FNDC3B: variants seen among roughly 807,000 people sequenced by gnomAD.
FNDC3B encodes the protein fibronectin type III domain-containing protein 3B.
FNDC3B carries 12 observed loss-of-function variants against 151.5 expected under a neutral mutation model. That is an observed-to-expected ratio of 0.08 (90% confidence interval 0.05 to 0.13). The LOEUF is 0.13. FNDC3B is among the 10% of genes least tolerant of loss of function. The probability of loss-of-function intolerance (pLI) is 1.00; values close to 1 mark genes in which losing one functional copy is unlikely to be tolerated. For missense variants in FNDC3B, 1,214 were observed against 1,505.3 expected (o/e 0.81, Z 3.20); for synonymous variants, 528 against 549.0 (o/e 0.96, Z 0.54).
chr3:172,082,993 A>G (rs1718360519), intron 1 of FNDC3B, among the ~76,000 whole-genome samples: 1 of 152,222 alleles, frequency 6.6e-6, no homozygotes, highest in Admixed American at 6.5e-5. Flanking sequence ...TTAGTGATAA[A>G]GTACAAAGGA....
At position 172,329,066 on chromosome 3, in the gene FNDC3B, A is replaced by G. The variant is rs1208849040; in HGVS notation, c.1369A>G (p.Ile457Val). Residue 457 changes from isoleucine to valine, a missense_variant, in exon 12 of 26, where the codon ATT (isoleucine) becomes GTT (valine). Coordinates refer to ENST00000415807, the MANE Select transcript of FNDC3B (RefSeq NM_022763.4). ...YTFRLAARNDIGTSGYSQEVV... is the reference protein window; with the variant it reads ...YTFRLAARNDVGTSGYSQEVV... ...ATTCAGGCTGGCCGCTCGAAACGAC[A>G]TTGGTACCAGGTATGACGTTTCCTT... 8 of 1,613,250 alleles carry G rather than the reference A, an allele frequency of 5.0e-6. No homozygotes were observed. The Admixed American group carries it at 1.3e-4, about 27-fold the overall frequency.
Position 172,352,359 on chromosome 3 carries a change from C to T in FNDC3B, c.2515-444C>T, listed in dbSNP as rs555828512. Reference sequence around the variant, plus strand: ...TTCCTATTGCTATTCCAGGACAGCTCTAGACTTAAAAGTCAGATGAACCGG... The same window carrying T: ...TTCCTATTGCTATTCCAGGACAGCTTTAGACTTAAAAGTCAGATGAACCGG... On this transcript the variant is annotated intron_variant, in intron 21 of 25. Transcript: ENST00000415807. This position sits in a 1 kb window ranked among gnomAD's most constrained non-coding sequence, Gnocchi z 4.2. 3.7e-4 allele frequency among the ~76,000 whole-genome samples: 57 copies of T among 152,166 alleles called. No homozygotes were observed. In the South Asian group the frequency reaches 0.012, roughly 32 times the overall value.
At chr3:172,319,076 G>A (rs922559291) in intron 11 of FNDC3B, among the ~76,000 whole-genome samples, 3 of 152,188 alleles carry the variant, frequency 2.0e-5, no homozygotes, top group African/African-American at 7.2e-5. Flanking sequence ...TACATGATGA[G>A]GTTGTGTGTT....
chr3:172,311,883 GA>G (rs56937613), intron 11 of FNDC3B, among the ~76,000 whole-genome samples: 1,403 of 112,846 alleles, frequency 0.012, 5 homozygotes, highest in Middle Eastern at 0.017. Flanking sequence ...GTCTCAAAAA[GA>G]AAAAAAAAAA....
At chr3:172,095,449 C>T (rs1163981487) in intron 1 of FNDC3B, among the ~76,000 whole-genome samples, 1 of 152,220 alleles carries the variant, frequency 6.6e-6, no homozygotes, top group Non-Finnish European at 1.5e-5. Context: ...ACAGCTCACA[C>T]CTTTTTCTGA....
chr3:172,251,226 CTG>C, intron 5 of FNDC3B, 32 bp from the exon 6 acceptor site: 1 of 1,510,832 alleles, frequency 6.6e-7, no homozygotes, highest in Non-Finnish European at 9.1e-7. Flanking sequence ...AAAATGTAAA[CTG>C]AGTTTGGGTT....
intron 3 of FNDC3B, among the ~76,000 whole-genome samples, chr3:172,140,874 A>G (rs1166690969): frequency 6.6e-6 from 1 of 152,234 alleles, no homozygotes; most frequent in Non-Finnish European, 1.5e-5. Context: ...ATATTTACAT[A>G]AGAACGGAAT....
chr3:172,388,975 T>C (rs1221972404), intron 25 of FNDC3B, among the ~76,000 whole-genome samples: 1 of 152,188 alleles, frequency 6.6e-6, no homozygotes, highest in East Asian at 1.9e-4. Context: ...CACATGAGAC[T>C]ATTATTTTCA....
At chr3:172,293,974 C>T (rs1205996500) in intron 7 of FNDC3B, among the ~76,000 whole-genome samples, 1 of 152,200 alleles carries the variant, frequency 6.6e-6, no homozygotes, top group Non-Finnish European at 1.5e-5. Context: ...GCTATAAAGT[C>T]TTTGTGAACA....
At position 172,177,626 on chromosome 3, in the gene FNDC3B, C is replaced by CTTTTTTTTTTTTTTTTTTTTTTTT. The variant is rs10684671; in HGVS notation, c.187+44101_187+44102insTTTTTTTTTTTTTTTTTTTTTTTT. 7.4e-4 allele frequency among the ~76,000 whole-genome samples: 63 copies of CTTTTTTTTTTTTTTTTTTTTTTTT among 84,832 alleles called. 7 individuals are homozygous for CTTTTTTTTTTTTTTTTTTTTTTTT. Among genetic ancestry groups the CTTTTTTTTTTTTTTTTTTTTTTTT allele is most frequent in the African/African-American group, 2.4e-3 (50 of 20,520 alleles). 55.7% of individuals were successfully genotyped at this position (84,832 alleles called of 152,430 possible). Reference sequence around the variant, plus strand: ...AGGAAGGAATCATTTTTACCACCATCTTTTTTTTTTTTTTTTTTTTTGCAC... The same window carrying CTTTTTTTTTTTTTTTTTTTTTTTT: ...AGGAAGGAATCATTTTTACCACCATCTTTTTTTTTTTTTTTTTTTTTTTTTTTTTTTTTTTTTTTTTTTTTGCAC... On this transcript the variant is annotated intron_variant, in intron 3 of 25. Transcript: ENST00000415807.
chr3:172,082,909 T>C (rs988858034), intron 1 of FNDC3B, among the ~76,000 whole-genome samples: 7 of 152,338 alleles, frequency 4.6e-5, no homozygotes, highest in Middle Eastern at 3.4e-3. Context: ...CTAGATTCCA[T>C]TGAAGTTTAT....
At chr3:172,171,830 A>G (rs1330347554) in intron 3 of FNDC3B, among the ~76,000 whole-genome samples, 1 of 152,108 alleles carries the variant, frequency 6.6e-6, no homozygotes. Flanking sequence ...TTCCCCTATA[A>G]ACAGCAGATG....
At chr3:172,150,603 A>G (rs1055806486) in intron 3 of FNDC3B, among the ~76,000 whole-genome samples, 2 of 151,908 alleles carry the variant, frequency 1.3e-5, no homozygotes, top group Non-Finnish European at 2.9e-5. Flanking sequence ...TAAATGCATC[A>G]TTCTTTTTTT....
intron 1 of FNDC3B, among the ~76,000 whole-genome samples, chr3:172,073,440 G>A (rs1288994073): frequency 1.3e-5 from 2 of 152,208 alleles, no homozygotes; most frequent in African/African-American, 4.8e-5. Flanking sequence ...GTTCCTGGCT[G>A]CAGTACCAGC....
intron 23 of FNDC3B, among the ~76,000 whole-genome samples, chr3:172,366,521 C>G (rs1734628804): frequency 6.6e-6 from 1 of 152,036 alleles, no homozygotes; most frequent in African/African-American, 2.4e-5. Flanking sequence ...TTGATTTCAA[C>G]TTACAATTAT....
intron 3 of FNDC3B, among the ~76,000 whole-genome samples, chr3:172,196,796 C>T (rs1323889679): frequency 1.3e-5 from 2 of 152,168 alleles, no homozygotes; most frequent in African/African-American, 4.8e-5. Flanking sequence ...CCAAAGAAGA[C>T]AGCCGGAGCT....
chr3:172,364,394 A>T (rs781238981), intron 23 of FNDC3B, among the ~76,000 whole-genome samples: 15 of 152,262 alleles, frequency 9.9e-5, no homozygotes, highest in Non-Finnish European at 1.8e-4. Flanking sequence ...TGTTTTAGAA[A>T]AAAGTGAAGC....
At chr3:172,086,257 G>A (rs914959544) in intron 1 of FNDC3B, among the ~76,000 whole-genome samples, 1 of 152,058 alleles carries the variant, frequency 6.6e-6, no homozygotes, top group African/African-American at 2.4e-5. Flanking sequence ...CTACTTGGGA[G>A]GCTAAGGTAG....
chr3:172,206,607 C>T (rs1017140159), intron 3 of FNDC3B, among the ~76,000 whole-genome samples: 35 of 132,682 alleles, frequency 2.6e-4, no homozygotes, highest in African/African-American at 9.1e-4. Flanking sequence ...TGCAAGGAGC[C>T]GAGACTGCAC....
Sources: allele counts gnomAD v4.1 joint callset (sites outside exome capture counted in the v4.1 genomes callset), GRCh38; gene constraint gnomAD v4.1.1; non-coding constraint Gnocchi (gnomAD v3.1); transcripts MANE v1.5; gene names NCBI Gene and HGNC (gene_info 2026-07-23, HGNC 2026-07-21).